LCLAT1: variants seen among roughly 807,000 people sequenced by gnomAD.
LCLAT1 encodes lysocardiolipin acyltransferase 1.
LCLAT1 carries 11 observed loss-of-function variants against 30.7 expected under a neutral mutation model. The ratio of observed to expected loss-of-function variants is 0.36; its 90% CI spans 0.23 to 0.59. The LOEUF is 0.59. Among genes scored for constraint, LCLAT1 ranks in the 20% least tolerant of loss-of-function variants. The pLI, the probability that LCLAT1 is intolerant of heterozygous loss-of-function variation, is 0.77. For synonymous variants in LCLAT1, 155 were observed against 151.3 expected, an observed-to-expected ratio of 1.02 and a Z score of -0.18; for missense variants, 402 against 458.6, an observed-to-expected ratio of 0.88 and a Z score of 1.13.
intron 5 of LCLAT1, among the ~76,000 whole-genome samples, chr2:30,577,046 T>A: frequency 6.6e-6 from 1 of 150,978 alleles, no homozygotes; most frequent in East Asian, 1.9e-4. Context: ...TAAATGAAAG[T>A]AGTTTTCTCC....
chr2:30,479,433 G>A (rs1227291544), intron 1 of LCLAT1, among the ~76,000 whole-genome samples: 1 of 152,054 alleles, frequency 6.6e-6, no homozygotes, highest in African/African-American at 2.4e-5. Flanking sequence ...TTTTTGTAGA[G>A]GTGGGATCTC....
chr2:30,549,332 C>T (rs900382140), intron 3 of LCLAT1, among the ~76,000 whole-genome samples: 1 of 152,136 alleles, frequency 6.6e-6, no homozygotes, highest in Non-Finnish European at 1.5e-5. Context: ...CTAGATATCC[C>T]AGATGTGAGC....
chr2:30,609,585 C>T (rs1415221570), intron 5 of LCLAT1, among the ~76,000 whole-genome samples: 1 of 152,024 alleles, frequency 6.6e-6, no homozygotes, highest in Non-Finnish European at 1.5e-5. Context: ...ATGTATTTTC[C>T]ATAGTGAAGA....
At chr2:30,505,277 G>T (rs1262822846) in intron 1 of LCLAT1, among the ~76,000 whole-genome samples, 2 of 151,148 alleles carry the variant, frequency 1.3e-5, no homozygotes, top group Non-Finnish European at 2.9e-5. Context: ...ACTCCCTCCA[G>T]CTGTGAAGGC....
chr2:30,465,523 G>A (rs766251932), intron 1 of LCLAT1, among the ~76,000 whole-genome samples: 2 of 152,176 alleles, frequency 1.3e-5, no homozygotes, highest in Non-Finnish European at 2.9e-5. Flanking sequence ...AAAGACAAAA[G>A]GGCTGTGCCC....
intron 4 of LCLAT1, among the ~76,000 whole-genome samples, chr2:30,566,330 C>G (rs1665483260): frequency 6.6e-6 from 1 of 152,102 alleles, no homozygotes; most frequent in African/African-American, 2.4e-5. Flanking sequence ...TTTGTGGTGT[C>G]TATGGGATTC....
chr2:30,635,987 A>C (rs1026281889), intron 5 of LCLAT1, among the ~76,000 whole-genome samples: 1 of 152,182 alleles, frequency 6.6e-6, no homozygotes. Context: ...TTGAGCATCT[A>C]GTAAGGGCAC....
chr2:30,484,726 T>G (rs1298388097), intron 1 of LCLAT1, among the ~76,000 whole-genome samples: 1 of 152,100 alleles, frequency 6.6e-6, no homozygotes, highest in Non-Finnish European at 1.5e-5. Context: ...AGTGTTTAAC[T>G]GTATGTACAT....
At chr2:30,548,712 A>G (rs1026197821) in intron 3 of LCLAT1, among the ~76,000 whole-genome samples, 1 of 152,194 alleles carries the variant, frequency 6.6e-6, no homozygotes, top group African/African-American at 2.4e-5. Context: ...GGGATTATCT[A>G]TATAATGTGG....
At chr2:30,453,226 A>T (rs1681653011) in intron 1 of LCLAT1, among the ~76,000 whole-genome samples, 1 of 152,158 alleles carries the variant, frequency 6.6e-6, no homozygotes, top group Non-Finnish European at 1.5e-5. Flanking sequence ...ATCACAAAGA[A>T]AGGAAATGCT....
intron 3 of LCLAT1, among the ~76,000 whole-genome samples, chr2:30,536,711 T>C (rs534073400): frequency 1.9e-4 from 29 of 152,160 alleles, no homozygotes; most frequent in African/African-American, 6.3e-4. Context: ...AGAACAGATA[T>C]ATAGATGAAA....
At chr2:30,527,439 C>T (rs1003128810) in intron 2 of LCLAT1, among the ~76,000 whole-genome samples, 3 of 152,186 alleles carry the variant, frequency 2.0e-5, no homozygotes, top group African/African-American at 7.2e-5. Context: ...ATGAACCACA[C>T]ATTTTTGTTG....
At chr2:30,546,299 A>G (rs1160821930) in intron 3 of LCLAT1, among the ~76,000 whole-genome samples, 2 of 152,200 alleles carry the variant, frequency 1.3e-5, no homozygotes, top group Non-Finnish European at 2.9e-5. Context: ...AACTGCCAAA[A>G]TATTAAATAA....
Position 30,510,632 on chromosome 2 carries a change from G to A in LCLAT1, c.-4-14955G>A, listed in dbSNP as rs537963564. 2.6e-5 allele frequency among the ~76,000 whole-genome samples: 4 copies of A among 152,236 alleles called. No individual in the cohort carries two copies. In the South Asian group the frequency reaches 8.3e-4, roughly 32 times the overall value. The stretch of plus-strand genomic sequence containing the variant: ...GAATGTCATTTTCTCCGGTTCCGGG[G>A]AATTTTTTTGAGATTGTTGTTGCTG... On this transcript the variant is annotated intron_variant, in intron 1 of 5. Coordinates refer to ENST00000379509, the MANE Select transcript of LCLAT1 (RefSeq NM_001002257.3).
Position 30,551,143 on chromosome 2 carries a change from T to A in LCLAT1, c.365-11003T>A, listed in dbSNP as rs566246811. On this transcript the variant is annotated intron_variant, in intron 3 of 5. Transcript: ENST00000379509. Reference sequence around the variant, plus strand: ...ATAGGTACATGCCACCTTGCCTGGCTAATTTAAAATAAATTTTAAAAGACA... The same window carrying A: ...ATAGGTACATGCCACCTTGCCTGGCAAATTTAAAATAAATTTTAAAAGACA... Among the ~76,000 whole-genome samples the A allele has an allele frequency of 9.8e-5, 15 of 152,294 alleles. No homozygotes were observed. In the South Asian group the frequency reaches 3.1e-3, roughly 32 times the overall value.
intron 3 of LCLAT1, among the ~76,000 whole-genome samples, chr2:30,543,948 C>CT (rs761466469): frequency 5.1e-4 from 78 of 152,030 alleles, no homozygotes; most frequent in South Asian, 3.3e-3. Context: ...GCTTAATTTG[C>CT]TTTTTTTAAA....
At chr2:30,574,056 C>T (rs1285669552) in intron 5 of LCLAT1, among the ~76,000 whole-genome samples, 3 of 151,874 alleles carry the variant, frequency 2.0e-5, no homozygotes, top group African/African-American at 4.8e-5. Context: ...GCACGGGAAT[C>T]GCTTGAACCT....
Position 30,612,410 on chromosome 2 carries a change from G to A in LCLAT1, c.629-27707G>A, listed in dbSNP as rs199721083. Among the ~76,000 whole-genome samples the A allele has an allele frequency of 1.2e-4, 19 of 152,256 alleles. No homozygotes were observed. The East Asian group carries it at 3.1e-3, about 25-fold the overall frequency. ...CCTATCATCATTGAAGAGGTCTCTAGCTTCCTGTCCTTGTGGCGCCCTGTG... is the reference window on the plus strand; with the variant it reads ...CCTATCATCATTGAAGAGGTCTCTAACTTCCTGTCCTTGTGGCGCCCTGTG... On this transcript the variant is annotated intron_variant, in intron 5 of 5. Transcript: ENST00000379509.
chr2:30,537,013 A>G (rs2148402885), intron 3 of LCLAT1, among the ~76,000 whole-genome samples: 1 of 152,378 alleles, frequency 6.6e-6, no homozygotes, highest in Non-Finnish European at 1.5e-5. Flanking sequence ...ACTGAAATGA[A>G]GGAATTGAGA....
Sources: allele counts gnomAD v4.1 joint callset (sites outside exome capture counted in the v4.1 genomes callset), GRCh38; gene constraint gnomAD v4.1.1; transcripts MANE v1.5; gene names NCBI Gene and HGNC (gene_info 2026-07-23, HGNC 2026-07-21).